Variants in NCKAP5 observed in about 807,000 individuals in gnomAD.
NCKAP5 encodes nck-associated protein 5.
A neutral mutation model predicts 167.0 loss-of-function variants in NCKAP5; 92 were observed. The ratio of observed to expected loss-of-function variants is 0.55; its 90% CI spans 0.47 to 0.66. The LOEUF is 0.66. Among genes scored for constraint, NCKAP5 ranks in the 30% least tolerant of loss-of-function variants. The pLI, the probability that NCKAP5 is intolerant of heterozygous loss-of-function variation, is 0.00. For synonymous variants in NCKAP5, 891 were observed against 877.4 expected (o/e 1.02, Z -0.27); for missense variants, 2,378 against 2,315.0 (o/e 1.03, Z -0.56).
At chr2:133,606,349 G>T in the NCKAP5 span, among the ~76,000 whole-genome samples, 1 of 152,180 alleles carries the variant, frequency 6.6e-6, no homozygotes, top group African/African-American at 2.4e-5. Context: ...AAGGAAGCCT[G>T]TTGACCACAA....
chr2:133,253,651 T>G (rs1015885799), intron 4 of NCKAP5, among the ~76,000 whole-genome samples: 1 of 152,216 alleles, frequency 6.6e-6, no homozygotes, highest in African/African-American at 2.4e-5. Context: ...TCTGCCTTTT[T>G]CAAGCTAGGT....
chr2:132,696,981 G>A (rs1255650725), intron 19 of NCKAP5, among the ~76,000 whole-genome samples: 1 of 152,110 alleles, frequency 6.6e-6, no homozygotes, highest in Admixed American at 6.5e-5. Flanking sequence ...TGGACTTCCC[G>A]GGCTCAAGCG....
Position 132,728,965 on chromosome 2 carries a change from A to G in NCKAP5, c.5444-13T>C. Reference sequence around the variant, plus strand: ...GAACTGACTTTTCCTAAATGAGGACACGTATGTGGAATCACATATCACCTT... The same window carrying G: ...GAACTGACTTTTCCTAAATGAGGACGCGTATGTGGAATCACATATCACCTT... On this transcript the variant is annotated splice_polypyrimidine_tract_variant and intron_variant, in intron 17 of 19. Transcript: ENST00000409261. 2 of 1,613,680 alleles carry G rather than the reference A, an allele frequency of 1.2e-6. No homozygotes were observed.
chr2:133,189,361 A>T (rs949123877), intron 5 of NCKAP5, among the ~76,000 whole-genome samples: 3 of 152,194 alleles, frequency 2.0e-5, no homozygotes, highest in Non-Finnish European at 4.4e-5. Flanking sequence ...AGGTACAAAG[A>T]GGAGCTGGTA....
chr2:132,975,118 G>C (rs1467427861), intron 7 of NCKAP5, among the ~76,000 whole-genome samples: 2 of 152,104 alleles, frequency 1.3e-5, no homozygotes, highest in African/African-American at 2.4e-5. Context: ...ATTTTAAAGA[G>C]GGAAAAATAG....
chr2:132,711,323 G>A (rs1036115952), intron 19 of NCKAP5, among the ~76,000 whole-genome samples: 9 of 152,168 alleles, frequency 5.9e-5, no homozygotes, highest in Non-Finnish European at 1.3e-4. Context: ...ACACCTCACT[G>A]AGCCTTTCTT....
At chr2:133,506,800 T>C (rs1264341238) in intron 3 of NCKAP5, among the ~76,000 whole-genome samples, 3 of 152,174 alleles carry the variant, frequency 2.0e-5, no homozygotes, top group Admixed American at 2.0e-4. Context: ...GGCATGAGTG[T>C]GCAATGTGTC....
chr2:132,857,348 C>G (rs1006664906), intron 11 of NCKAP5, among the ~76,000 whole-genome samples: 3 of 152,108 alleles, frequency 2.0e-5, no homozygotes, highest in Non-Finnish European at 4.4e-5. Context: ...TATAGTTAGA[C>G]AACTATATTT....
chr2:133,010,294 C>A (rs181602254), intron 6 of NCKAP5, among the ~76,000 whole-genome samples: 2 of 152,208 alleles, frequency 1.3e-5, no homozygotes, highest in African/African-American at 2.4e-5. Context: ...AAAGTAAGAG[C>A]GCTTCATTTT....
chr2:133,393,479 G>T (rs150372934), intron 3 of NCKAP5, among the ~76,000 whole-genome samples: 1 of 152,144 alleles, frequency 6.6e-6, no homozygotes, highest in African/African-American at 2.4e-5. Flanking sequence ...AAAAATTCTT[G>T]CAGTTTTAAT....
chr2:132,884,381 G>A (rs150196103), intron 8 of NCKAP5, among the ~76,000 whole-genome samples: 314 of 152,248 alleles, frequency 2.1e-3, no homozygotes, highest in African/African-American at 7.2e-3. Context: ...AAGCTTTTCC[G>A]TCTCTGCAGC....
At chr2:133,573,870 T>C in the NCKAP5 span, among the ~76,000 whole-genome samples, 1 of 152,150 alleles carries the variant, frequency 6.6e-6, no homozygotes, top group East Asian at 1.9e-4. Context: ...CCAGCTGGGG[T>C]CCAGCAATAC....
intron 5 of NCKAP5, among the ~76,000 whole-genome samples, chr2:133,131,333 C>T (rs1025192112): frequency 2.6e-5 from 4 of 152,150 alleles, no homozygotes; most frequent in Admixed American, 6.6e-5. Context: ...AAGCCATGTC[C>T]TCTACAACTT....
At chr2:133,582,817 A>G in the NCKAP5 span, among the ~76,000 whole-genome samples, 2 of 151,994 alleles carry the variant, frequency 1.3e-5, no homozygotes, top group Non-Finnish European at 2.9e-5. Context: ...AACCTCAAAT[A>G]CTCTCTCTAA....
chr2:133,223,767 G>A (rs796300303), intron 4 of NCKAP5, among the ~76,000 whole-genome samples: 3 of 152,178 alleles, frequency 2.0e-5, no homozygotes, highest in African/African-American at 7.2e-5. Context: ...TCTAAGTTGT[G>A]GATCTTCACA....
intron 3 of NCKAP5, among the ~76,000 whole-genome samples, chr2:133,378,580 C>G (rs550693963): frequency 1.3e-5 from 2 of 152,146 alleles, no homozygotes; most frequent in African/African-American, 4.8e-5. Flanking sequence ...GCCCACACTT[C>G]CTTCCCAAGT....
chr2:132,755,340 C>T (rs1468619396), intron 16 of NCKAP5, among the ~76,000 whole-genome samples: 2 of 152,150 alleles, frequency 1.3e-5, no homozygotes, highest in Non-Finnish European at 2.9e-5. Flanking sequence ...AGGCCTTTCT[C>T]ATCATGTGTG....
chr2:133,441,333 A>G (rs28560351), intron 3 of NCKAP5, among the ~76,000 whole-genome samples: 44,648 of 152,122 alleles, frequency 0.29, 6,883 homozygotes, highest in African/African-American at 0.34. Context: ...GGGTCTGAAT[A>G]AATGACTTGT....
At chr2:133,315,859 A>G (rs1681572213) in intron 3 of NCKAP5, among the ~76,000 whole-genome samples, 1 of 152,176 alleles carries the variant, frequency 6.6e-6, no homozygotes, top group Non-Finnish European at 1.5e-5. Flanking sequence ...AAGGTGAAGA[A>G]TAAAGACAAA....
Sources: gnomAD v4.1 joint callset for allele counts (sites outside exome capture counted in the v4.1 genomes callset) on GRCh38, gnomAD v4.1.1 for gene constraint, MANE v1.5 for transcripts, NCBI Gene and HGNC (gene_info 2026-07-23, HGNC 2026-07-21) for gene names.